Variants in TNS1 observed in about 807,000 individuals in gnomAD.
TNS1 encodes tensin-1.
Under a neutral mutation model 168.6 loss-of-function variants are expected in TNS1, and 62 were observed. The observed-to-expected ratio is 0.37, with a 90% CI of 0.30 to 0.45. The LOEUF is 0.45. TNS1 is among the 20% of genes least tolerant of loss of function. The pLI is 1.00. For missense variants in TNS1, 2,240 were observed against 2,339.4 expected (o/e 0.96, Z 0.88); for synonymous variants, 934 against 933.2 (o/e 1.00, Z -0.02).
chr2:217,980,506 CAGAGAGAGAG>C (rs3842558), intron 2 of TNS1, among the ~76,000 whole-genome samples: 35,251 of 117,424 alleles, frequency 0.3, 5,094 homozygotes, highest in East Asian at 0.5. Flanking sequence ...TACACACACA[CAGAGAGAGAG>C]AGAGAGAGAG....
chr2:217,841,389 T>A, intron 19 of TNS1: 1 of 416,606 alleles, frequency 2.4e-6, no homozygotes, highest in Non-Finnish European at 3.2e-6. Flanking sequence ...AGGGAACAGA[T>A]GGACATGGGA....
intron 4 of TNS1, among the ~76,000 whole-genome samples, chr2:217,914,421 C>A (rs3828282): frequency 6.6e-6 from 1 of 152,036 alleles, no homozygotes; most frequent in Non-Finnish European, 1.5e-5. Context: ...AGGACTTCTA[C>A]CCAGGCAGCT....
chr2:217,938,296 C>A (rs1339203041), intron 3 of TNS1, among the ~76,000 whole-genome samples: 3 of 152,214 alleles, frequency 2.0e-5, no homozygotes, highest in Non-Finnish European at 4.4e-5. Flanking sequence ...CTTGGCAGGC[C>A]TTGAGGGCTG....
chr2:217,888,823 G>A (rs145379871), intron 12 of TNS1, among the ~76,000 whole-genome samples: 81 of 152,292 alleles, frequency 5.3e-4, no homozygotes, highest in African/African-American at 1.9e-3. Context: ...CCAGTCTTGG[G>A]TATGTCTTTA....
intron 4 of TNS1, among the ~76,000 whole-genome samples, chr2:217,913,384 C>G (rs571725911): frequency 6.6e-6 from 1 of 152,286 alleles, no homozygotes; most frequent in South Asian, 2.1e-4. Context: ...ACTGTGGACA[C>G]CCCCAATGCA....
chr2:217,914,946 G>A (rs1270077759), intron 4 of TNS1, among the ~76,000 whole-genome samples: 4 of 152,164 alleles, frequency 2.6e-5, no homozygotes, highest in Admixed American at 6.5e-5. Context: ...TTCTGTGCCC[G>A]TCCCACGTCT....
At chr2:217,946,662 G>A (rs1054766862) in intron 3 of TNS1, among the ~76,000 whole-genome samples, 5 of 152,130 alleles carry the variant, frequency 3.3e-5, no homozygotes, top group East Asian at 1.9e-4. Context: ...CTGGGAGACG[G>A]GGCGACCTGG....
intron 3 of TNS1, among the ~76,000 whole-genome samples, chr2:217,971,446 T>C (rs184086563): frequency 2.6e-5 from 4 of 152,398 alleles, no homozygotes; most frequent in Admixed American, 2.6e-4. Context: ...TACTATGACA[T>C]TGCAATTTCT....
chr2:218,029,121 G>C (rs1226284591), intron 1 of TNS1, among the ~76,000 whole-genome samples: 1 of 152,250 alleles, frequency 6.6e-6, no homozygotes, highest in African/African-American at 2.4e-5. Context: ...TGCCCCCAGA[G>C]AGTGAGTAAG....
At chr2:218,027,726 G>A (rs1375752110) in intron 1 of TNS1, among the ~76,000 whole-genome samples, 1 of 152,160 alleles carries the variant, frequency 6.6e-6, no homozygotes, top group Non-Finnish European at 1.5e-5. Context: ...TGGGAGTGGA[G>A]GGTGGATAGG....
At position 217,848,860 on chromosome 2, in the gene TNS1, C is replaced by A. The variant is rs1360428907; in HGVS notation, c.1657G>T (p.Ala553Ser). Residue 553 changes from alanine to serine, a missense_variant, in exon 19 of 33, where the codon GCC becomes TCC. Around this residue, in one of 2 missense-constraint regions of TNS1, gnomAD observed 2,131 missense variants for 2,171.2 expected, o/e 0.98. Coordinates refer to ENST00000682258, the MANE Select transcript of TNS1 (RefSeq NM_001387777.1). ...TDEPVPGASSATAALSPQEKR... is the reference protein window; with the variant it reads ...TDEPVPGASSSTAALSPQEKR... ...TCCTGGGGACTCAAGGCAGCAGTGG[C>A]ACTGGAGGCCCCGGGGACAGGCTCG... 6.2e-7 allele frequency: 1 copy of A among 1,614,054 alleles called. No homozygotes were observed. The highest frequency in any genetic ancestry group is 1.1e-5 in the South Asian group (1 of 91,064).
chr2:218,031,015 T>C (rs1958887960), intron 1 of TNS1, among the ~76,000 whole-genome samples: 1 of 146,540 alleles, frequency 6.8e-6, no homozygotes, highest in Middle Eastern at 3.6e-3. Context: ...TGTGGGAGTG[T>C]ATGTGTGTAT....
chr2:217,963,745 GAAA>G (rs35864463), intron 3 of TNS1, among the ~76,000 whole-genome samples: 1 of 115,382 alleles, frequency 8.7e-6, no homozygotes, highest in African/African-American at 3.0e-5. Flanking sequence ...TACATTTACC[GAAA>G]AAAAAAAAAA....
rs1485825279 is a variant in TNS1 at position 218,032,266 on chromosome 2, T to C, written c.156+1554A>G. On this transcript the variant is annotated intron_variant, in intron 1 of 1. Transcript: ENST00000649572. The surrounding 1 kb of genome is among the most constrained non-coding windows in gnomAD (Gnocchi z 4.0). The stretch of plus-strand genomic sequence containing the variant: ...GCCAAGGGGAGGAGCAGGAGCCAAA[T>C]GCTGGCCAGGGGAGAAAGAGGAGTG... 6.6e-6 allele frequency among the ~76,000 whole-genome samples: 1 copy of C among 151,942 alleles called. No homozygotes were observed. Among genetic ancestry groups the C allele is most frequent in the Non-Finnish European group, 1.5e-5 (1 of 67,992 alleles).
intron 15 of TNS1, among the ~76,000 whole-genome samples, chr2:217,885,390 C>T (rs963980566): frequency 3.9e-5 from 6 of 152,214 alleles, no homozygotes; most frequent in African/African-American, 1.2e-4. Context: ...AATGTCCTCC[C>T]AAGAAGTTTC....
chr2:217,908,921 A>G (rs1317853561), intron 4 of TNS1, among the ~76,000 whole-genome samples: 1 of 152,060 alleles, frequency 6.6e-6, no homozygotes, highest in Non-Finnish European at 1.5e-5. Context: ...TGGAGGAGGA[A>G]TAATGATGGC....
At chr2:217,871,066 G>A (rs1033456117) in intron 18 of TNS1, among the ~76,000 whole-genome samples, 1 of 152,128 alleles carries the variant, frequency 6.6e-6, no homozygotes, top group African/African-American at 2.4e-5. Context: ...CCTCTATGCA[G>A]ACCAGCACAC....
chr2:218,013,407 A>G (rs1283508433), upstream of TNS1, among the ~76,000 whole-genome samples: 1 of 152,064 alleles, frequency 6.6e-6, no homozygotes, highest in Admixed American at 6.5e-5. Flanking sequence ...AGGCCAAAAC[A>G]TCCCCCCTAG....
chr2:217,898,801 G>A (rs558335613), intron 7 of TNS1, among the ~76,000 whole-genome samples: 30 of 152,348 alleles, frequency 2.0e-4, no homozygotes, highest in African/African-American at 7.2e-4. Context: ...GGCACTGGGT[G>A]AGGAAGGGAG....
Sources: allele counts gnomAD v4.1 joint callset (sites outside exome capture counted in the v4.1 genomes callset), GRCh38; gene constraint gnomAD v4.1.1; regional missense constraint gnomAD v4.1.1; non-coding constraint Gnocchi (gnomAD v3.1); transcripts MANE v1.5; gene names NCBI Gene and HGNC (gene_info 2026-07-23, HGNC 2026-07-21).